CACNA2D1: variants seen among roughly 807,000 people sequenced by gnomAD.
The protein encoded by CACNA2D1 is calcium voltage-gated channel auxiliary subunit alpha2delta 1, also known as voltage-dependent calcium channel subunit alpha-2/delta-1.
A neutral mutation model predicts 171.5 loss-of-function variants in CACNA2D1; 53 were observed. That is an observed-to-expected ratio of 0.31 (90% CI 0.25 to 0.39). CACNA2D1 has a LOEUF of 0.39. Among genes scored for constraint, CACNA2D1 ranks in the 10% least tolerant of loss-of-function variants. CACNA2D1 has a pLI of 1.00. For missense variants in CACNA2D1, 903 were observed against 1,299.8 expected (o/e 0.69, Z 4.69); for synonymous variants, 442 against 443.1 (o/e 1.00, Z 0.03).
intron 3 of CACNA2D1, among the ~76,000 whole-genome samples, chr7:82,279,790 T>G (rs1185852795): frequency 6.6e-6 from 1 of 152,186 alleles, no homozygotes; most frequent in Admixed American, 6.5e-5. Context: ...AATAAGTATA[T>G]ATACCGCTTA....
intron 1 of CACNA2D1, among the ~76,000 whole-genome samples, chr7:82,356,955 T>A (rs1820497891): frequency 6.6e-6 from 1 of 152,130 alleles, no homozygotes; most frequent in South Asian, 2.1e-4. Flanking sequence ...CAGTACAAGG[T>A]TTCTAAATGT....
chr7:82,081,867 G>T lies in CACNA2D1; in HGVS notation c.658+2902C>A, dbSNP rs562615783. Among the ~76,000 whole-genome samples, 5 of 152,298 alleles carry T rather than the reference G, an allele frequency of 3.3e-5. No individual in the cohort carries two copies. In the East Asian group the frequency reaches 9.7e-4, roughly 30 times the overall value. On this transcript the variant is annotated intron_variant, in intron 7 of 38. Coordinates refer to ENST00000356860, the MANE Select transcript of CACNA2D1 (RefSeq NM_000722.4). ...GCCTCTGGTGGGAGGGGGTGTGTGA[G>T]CAAGTGAGTGCAGGCTCCGGTCCGC...
intron 18 of CACNA2D1, among the ~76,000 whole-genome samples, chr7:82,000,630 G>A (rs755284264): frequency 3.7e-4 from 56 of 151,600 alleles, no homozygotes; most frequent in African/African-American, 1.3e-3. Context: ...ACGGGGTCTC[G>A]CTCTGTCACC....
intron 5 of CACNA2D1, among the ~76,000 whole-genome samples, chr7:82,126,939 T>C (rs1030723733): frequency 1.3e-5 from 2 of 152,168 alleles, no homozygotes; most frequent in African/African-American, 4.8e-5. Context: ...CAATGGGACA[T>C]AGACTGAACC....
At chr7:82,022,250 C>CACACAA (rs1468229812) in intron 12 of CACNA2D1, among the ~76,000 whole-genome samples, 2 of 151,380 alleles carry the variant, frequency 1.3e-5, no homozygotes, top group Non-Finnish European at 3.0e-5. Context: ...CACACACACA[C>CACACAA]ACGTGCATAA....
chr7:82,137,707 T>TAAGAAAAA (rs1791810726), intron 4 of CACNA2D1, among the ~76,000 whole-genome samples: 1 of 78,844 alleles, frequency 1.3e-5, no homozygotes, highest in Non-Finnish European at 2.4e-5. Context: ...CCGTCTCTAC[T>TAAGAAAAA]AAAAAAAAAA....
intron 3 of CACNA2D1, among the ~76,000 whole-genome samples, chr7:82,215,895 T>C (rs1563212001): frequency 6.6e-6 from 1 of 152,208 alleles, no homozygotes; most frequent in Admixed American, 6.5e-5. Flanking sequence ...GCATTTATTC[T>C]GATATGCCAT....
At chr7:82,438,513 C>T (rs892544553) in intron 1 of CACNA2D1, among the ~76,000 whole-genome samples, 4 of 152,096 alleles carry the variant, frequency 2.6e-5, no homozygotes, top group Non-Finnish European at 4.4e-5. Context: ...AGGTCAATTG[C>T]CTTTTTCTTT....
chr7:82,336,509 T>G (rs1196789000), intron 2 of CACNA2D1, among the ~76,000 whole-genome samples: 3 of 152,192 alleles, frequency 2.0e-5, no homozygotes, highest in Admixed American at 6.5e-5. Flanking sequence ...CATGTGAACT[T>G]TGAACTTATA....
At chr7:82,264,240 T>C (rs1210982422) in intron 3 of CACNA2D1, among the ~76,000 whole-genome samples, 2 of 152,316 alleles carry the variant, frequency 1.3e-5, no homozygotes, top group Non-Finnish European at 2.9e-5. Flanking sequence ...TCTAGTCTTA[T>C]CTTTATATAT....
chr7:82,080,328 G>A (rs920446838), intron 7 of CACNA2D1, among the ~76,000 whole-genome samples: 1 of 151,982 alleles, frequency 6.6e-6, no homozygotes, highest in Non-Finnish European at 1.5e-5. Context: ...TCTGTGGCAA[G>A]TATTCACTTA....
intron 4 of CACNA2D1, among the ~76,000 whole-genome samples, chr7:82,148,031 A>G (rs1193243083): frequency 1.3e-5 from 2 of 152,214 alleles, no homozygotes; most frequent in Non-Finnish European, 2.9e-5. Flanking sequence ...TACAGATAAT[A>G]TTAATATGTA....
intron 5 of CACNA2D1, among the ~76,000 whole-genome samples, chr7:82,133,198 A>C (rs1791206537): frequency 6.6e-6 from 1 of 152,182 alleles, no homozygotes; most frequent in South Asian, 2.1e-4. Flanking sequence ...CTGCTTACGT[A>C]TATCAGCAAT....
chr7:82,362,002 T>C (rs1054267403), intron 1 of CACNA2D1, among the ~76,000 whole-genome samples: 1 of 152,180 alleles, frequency 6.6e-6, no homozygotes, highest in Non-Finnish European at 1.5e-5. Flanking sequence ...TATTCCATAA[T>C]TAGAAGCAAA....
At chr7:82,306,168 T>A (rs1479145451) in intron 3 of CACNA2D1, among the ~76,000 whole-genome samples, 1 of 152,212 alleles carries the variant, frequency 6.6e-6, no homozygotes, top group African/African-American at 2.4e-5. Flanking sequence ...TCTTGTTTTA[T>A]GTCCCTGAGA....
chr7:82,087,502 A>AAGC (rs1810616555), intron 6 of CACNA2D1, among the ~76,000 whole-genome samples: 1 of 151,942 alleles, frequency 6.6e-6, no homozygotes, highest in Non-Finnish European at 1.5e-5. Flanking sequence ...CAAAACTAGA[A>AAGC]AGTAGGATAA....
At chr7:82,110,555 C>T (rs1788255216) in intron 6 of CACNA2D1, among the ~76,000 whole-genome samples, 1 of 152,186 alleles carries the variant, frequency 6.6e-6, no homozygotes, top group Non-Finnish European at 1.5e-5. Context: ...AGAGTCTTTG[C>T]AATCGTCCAT....
At chr7:82,167,830 G>A (rs1432112999) in intron 4 of CACNA2D1, among the ~76,000 whole-genome samples, 5 of 152,012 alleles carry the variant, frequency 3.3e-5, no homozygotes, top group Admixed American at 3.3e-4. Context: ...GGTAACCAAG[G>A]GGGAAATTAG....
intron 6 of CACNA2D1, among the ~76,000 whole-genome samples, chr7:82,102,046 A>G (rs1812734474): frequency 6.6e-6 from 1 of 152,166 alleles, no homozygotes; most frequent in Admixed American, 6.5e-5. Flanking sequence ...TCAAGAGCCT[A>G]AAATCAATTT....
Sources: gnomAD v4.1 joint callset for allele counts (sites outside exome capture counted in the v4.1 genomes callset) on GRCh38, gnomAD v4.1.1 for gene constraint, MANE v1.5 for transcripts, NCBI Gene and HGNC (gene_info 2026-07-23, HGNC 2026-07-21) for gene names.